ACER3: variants seen among roughly 807,000 people sequenced by gnomAD.
The protein encoded by ACER3 is alkaline ceramidase 3.
A neutral mutation model predicts 48.9 loss-of-function variants in ACER3; 16 were observed. The observed-to-expected ratio is 0.33, with a 90% CI of 0.22 to 0.50. The LOEUF (loss-of-function observed/expected upper bound fraction) is 0.50. ACER3 is among the 20% of genes least tolerant of loss of function. The pLI, the probability that ACER3 is intolerant of heterozygous loss-of-function variation, is 0.98. For missense variants in ACER3, 227 were observed against 326.0 expected (o/e 0.70, Z 2.34); for synonymous variants, 109 against 107.8 (o/e 1.01, Z -0.07).
chr11:76,943,396 A>C (rs1947388361), intron 2 of ACER3, among the ~76,000 whole-genome samples: 1 of 151,892 alleles, frequency 6.6e-6, no homozygotes, highest in South Asian at 2.1e-4. Context: ...TAAAATTTCT[A>C]TCTTACTTCC....
intron 4 of ACER3, among the ~76,000 whole-genome samples, chr11:76,982,776 T>C (rs1417733643): frequency 1.3e-5 from 2 of 152,212 alleles, no homozygotes; most frequent in Non-Finnish European, 2.9e-5. Context: ...GTTTATTTTT[T>C]CTAGAAGTCT....
At chr11:76,912,830 A>T (rs1946419465) in intron 1 of ACER3, among the ~76,000 whole-genome samples, 1 of 152,206 alleles carries the variant, frequency 6.6e-6, no homozygotes, top group Non-Finnish European at 1.5e-5. Flanking sequence ...GCGGTGGAAG[A>T]GATCCAAGTT....
At chr11:76,987,314 A>G (rs1948706417) in intron 5 of ACER3, among the ~76,000 whole-genome samples, 1 of 152,176 alleles carries the variant, frequency 6.6e-6, no homozygotes, top group African/African-American at 2.4e-5. Flanking sequence ...GACCCACTTC[A>G]TAGTAGAGGG....
At chr11:76,909,821 G>A (rs28859077) in intron 1 of ACER3, among the ~76,000 whole-genome samples, 3,366 of 152,158 alleles carry the variant, frequency 0.022, 127 homozygotes, top group African/African-American at 0.077. Flanking sequence ...ACATGCACAC[G>A]TATGTTTATT....
intron 10 of ACER3, 97 bp downstream of exon 10, chr11:77,019,873 T>C: frequency 1.6e-6 from 2 of 1,274,140 alleles, no homozygotes; most frequent in Non-Finnish European, 2.3e-6. Flanking sequence ...GGAGAGGTAG[T>C]GGAGCAAACA....
chr11:77,016,512 C>T (rs1364677866), intron 8 of ACER3, among the ~76,000 whole-genome samples, 163 bp from the exon 9 acceptor site: 1 of 152,114 alleles, frequency 6.6e-6, no homozygotes, highest in African/African-American at 2.4e-5. Flanking sequence ...AATACTGTTC[C>T]TCAGAATGTA....
chr11:76,998,329 G>T (rs1016280102), intron 6 of ACER3, among the ~76,000 whole-genome samples: 1 of 152,074 alleles, frequency 6.6e-6, no homozygotes, highest in African/African-American at 2.4e-5. Flanking sequence ...AGGGGAGGAT[G>T]CATATAAATG....
chr11:76,975,602 C>T lies in ACER3; in HGVS notation c.268-687C>T, dbSNP rs77997904. The stretch of plus-strand genomic sequence containing the variant: ...GAAATGCAAAAGAATACTGATAGGA[C>T]CTATGGACCTGTAGATGATGGACAT... On this transcript the variant is annotated intron_variant, in intron 3 of 10. Transcript: ENST00000532485. Among the ~76,000 whole-genome samples the T allele has an allele frequency of 6.3e-3, 964 of 152,078 alleles. 1 individual carries two copies. Among genetic ancestry groups the T allele is most frequent in the Middle Eastern group, 0.02 (6 of 294 alleles).
chr11:76,962,429 A>G (rs1948021353), intron 3 of ACER3, among the ~76,000 whole-genome samples: 1 of 151,176 alleles, frequency 6.6e-6, no homozygotes, highest in Admixed American at 6.5e-5. Context: ...CACATTGGCC[A>G]GGCTGGTCTT....
chr11:76,952,919 G>A (rs530272565), intron 2 of ACER3, among the ~76,000 whole-genome samples: 57 of 152,158 alleles, frequency 3.7e-4, no homozygotes, highest in African/African-American at 1.3e-3. Context: ...GCCTGCCTCA[G>A]CCTCCCAAAG....
chr11:76,973,888 A>C (rs1948371369), intron 3 of ACER3, among the ~76,000 whole-genome samples: 1 of 151,964 alleles, frequency 6.6e-6, no homozygotes, highest in African/African-American at 2.4e-5. Context: ...GTCCATTTTG[A>C]GTTAATTATT....
intron 1 of ACER3, among the ~76,000 whole-genome samples, chr11:76,911,178 T>C (rs1414085307): frequency 4.6e-5 from 7 of 152,148 alleles, no homozygotes; most frequent in Non-Finnish European, 1.5e-5. Context: ...AGAGCAACCC[T>C]GAGGGCTGCT....
chr11:76,903,181 GA>G (rs1181222997), intron 1 of ACER3, among the ~76,000 whole-genome samples: 1 of 151,604 alleles, frequency 6.6e-6, no homozygotes, highest in East Asian at 1.9e-4. Flanking sequence ...TATATTTATT[GA>G]AAAAAATCCA....
chr11:77,017,723 G>T (rs1360546658), intron 9 of ACER3, among the ~76,000 whole-genome samples: 1 of 152,074 alleles, frequency 6.6e-6, no homozygotes, highest in Non-Finnish European at 1.5e-5. Flanking sequence ...AAATAAACAA[G>T]CATGCATAAC....
At chr11:76,873,871 T>C (rs1315600025) in intron 1 of ACER3, among the ~76,000 whole-genome samples, 1 of 152,198 alleles carries the variant, frequency 6.6e-6, no homozygotes, top group Non-Finnish European at 1.5e-5. Flanking sequence ...AGTAAACATT[T>C]AAATGAAAGT....
At chr11:76,908,487 C>G (rs2134709498) in intron 1 of ACER3, among the ~76,000 whole-genome samples, 1 of 152,206 alleles carries the variant, frequency 6.6e-6, no homozygotes, top group African/African-American at 2.4e-5. Context: ...TGAGGGAACT[C>G]CCATTCACAA....
At chr11:76,887,289 CT>C (rs1334412247) in intron 1 of ACER3, among the ~76,000 whole-genome samples, 1 of 152,012 alleles carries the variant, frequency 6.6e-6, no homozygotes, top group Admixed American at 6.6e-5. Context: ...GGCTTTTTGT[CT>C]TTAACTTTCT....
intron 3 of ACER3, among the ~76,000 whole-genome samples, chr11:76,968,806 A>G (rs1247369518): frequency 6.6e-6 from 1 of 152,268 alleles, no homozygotes; most frequent in Non-Finnish European, 1.5e-5. Context: ...GATGGATTAA[A>G]GACTTACATG....
chr11:76,917,319 A>G (rs1409538978), intron 1 of ACER3, among the ~76,000 whole-genome samples: 1 of 152,182 alleles, frequency 6.6e-6, no homozygotes, highest in Non-Finnish European at 1.5e-5. Context: ...CTTACATGCA[A>G]TAAAGTGAAT....
Sources: allele counts gnomAD v4.1 joint callset (sites outside exome capture counted in the v4.1 genomes callset), GRCh38; gene constraint gnomAD v4.1.1; transcripts MANE v1.5; gene names NCBI Gene and HGNC (gene_info 2026-07-23, HGNC 2026-07-21).